The following PAAF1 variants were observed in gnomAD, a reference collection of about 807,000 sequenced individuals.
PAAF1 encodes the protein proteasomal ATPase associated factor 1, also known as proteasomal ATPase-associated factor 1.
Under a neutral mutation model 52.8 loss-of-function variants are expected in PAAF1, and 46 were observed. The observed-to-expected ratio is 0.87, with a 90% confidence interval of 0.69 to 1.11. The LOEUF (loss-of-function observed/expected upper bound fraction) is 1.11. PAAF1 is among the 50% of genes most tolerant of loss of function. PAAF1 has a pLI of 0.00. For synonymous variants in PAAF1, 178 were observed against 172.8 expected (o/e 1.03, Z -0.24); for missense variants, 424 against 477.4 (o/e 0.89, Z 1.04).
At chr11:73,918,922 T>TCTTC in intron 9 of PAAF1, 28 bp from the exon 10 acceptor site, 1 of 1,581,668 alleles carries the variant, frequency 6.3e-7, no homozygotes, top group Non-Finnish European at 8.7e-7. Flanking sequence ...AGAAAGAAAG[T>TCTTC]AAAATTTCCC....
intron 3 of PAAF1, among the ~76,000 whole-genome samples, chr11:73,890,860 G>C (rs777510591): frequency 7.2e-5 from 11 of 152,234 alleles, no homozygotes; most frequent in Non-Finnish European, 1.6e-4. Context: ...GTCTTCTGTG[G>C]AGCAGCTTAT....
At chr11:73,876,815 C>A, upstream of PAAF1, 1 of 448,502 alleles carries the variant, frequency 2.2e-6, no homozygotes, top group Non-Finnish European at 3.8e-6. Flanking sequence ...TTGGGTTTCG[C>A]AGGCGGTTGG....
intron 1 of PAAF1, 93 bp from the exon 2 acceptor site, chr11:73,878,686 C>A: frequency 9.0e-7 from 1 of 1,107,118 alleles, no homozygotes; most frequent in Non-Finnish European, 1.4e-6. Context: ...TATGACCAAG[C>A]TGGAGGTTAC....
At chr11:73,879,813 C>T (rs1948843295) in intron 2 of PAAF1, 1 of 151,556 alleles carries the variant, frequency 6.6e-6, no homozygotes, top group Non-Finnish European at 1.5e-5. Flanking sequence ...GTTGAGGCTG[C>T]AGTGAGTTAT....
rs1382088284 is a variant in PAAF1, at chr11:73,927,450, A to G, written c.*88A>G. ...ACATCATCAGTCCTTCCCAAGGACC[A>G]TGGCGTTTAATGTCTTGGGCACCCC... On this transcript the variant is annotated 3_prime_UTR_variant, in exon 12 of 12. Transcript: ENST00000310571. 3.7e-6 allele frequency: 4 copies of G among 1,083,892 alleles called. No individual in the cohort carries two copies. Among genetic ancestry groups the G allele is most frequent in the Non-Finnish European group, 5.6e-6 (4 of 717,070 alleles). 67.1% of individuals were successfully genotyped at this position (1,083,892 alleles called of 1,614,324 possible). A position where few individuals can be genotyped will look rare whatever the true frequency, so the allele number is the denominator to read the frequency against.
At chr11:73,908,181 A>G (rs1370730691) in intron 6 of PAAF1, among the ~76,000 whole-genome samples, 1 of 151,520 alleles carries the variant, frequency 6.6e-6, no homozygotes, top group Non-Finnish European at 1.5e-5. Context: ...CTTTTAATCA[A>G]TTATCAGTGA....
At chr11:73,876,839 ATCC>A, upstream of PAAF1, 1 of 590,248 alleles carries the variant, frequency 1.7e-6, no homozygotes, top group Non-Finnish European at 2.7e-6. Context: ...TCCTCTGTAC[ATCC>A]TTTCAGGAAC....
chr11:73,879,068 T>C (rs939683885), intron 2 of PAAF1: 1 of 288,388 alleles, frequency 3.5e-6, no homozygotes, highest in Non-Finnish European at 6.5e-6. Flanking sequence ...ATTAGTCACT[T>C]ACCCTGTGCT....
intron 2 of PAAF1, chr11:73,879,748 A>T (rs1948841258): frequency 6.6e-6 from 1 of 151,500 alleles, no homozygotes; most frequent in African/African-American, 2.4e-5. Flanking sequence ...TGGCATGCGC[A>T]TGTAGTCCCA....
intron 2 of PAAF1, among the ~76,000 whole-genome samples, chr11:73,885,138 C>G (rs1949025772): frequency 6.9e-6 from 1 of 145,384 alleles, no homozygotes; most frequent in African/African-American, 2.6e-5. Flanking sequence ...GGATTACAGG[C>G]GTGATATTCT....
In PAAF1 at chr11:73,877,054, G is replaced by A; in HGVS notation, c.33G>A (p.Trp11Ter). MAAPLRIQSDWAQALRKDEGE... is the reference protein window; with the variant it reads MAAPLRIQSD Reference sequence around the variant, plus strand: ...CGCCTTTGAGGATTCAGAGCGACTGGGCGCAAGCCCTCAGGTGAATCCAGG... The same window carrying A: ...CGCCTTTGAGGATTCAGAGCGACTGAGCGCAAGCCCTCAGGTGAATCCAGG... The change falls in exon 1 of 12, where the codon TGG becomes TGA. Residue 11 changes from tryptophan to a stop codon, truncating the protein, a stop_gained. Transcript: ENST00000310571. LOFTEE classifies it high-confidence loss of function. 2.6e-6 allele frequency: 4 copies of A among 1,538,960 alleles called. No individual in the cohort carries two copies. Among genetic ancestry groups the A allele is most frequent in the Non-Finnish European group, 3.5e-6 (4 of 1,140,442 alleles).
intron 4 of PAAF1, among the ~76,000 whole-genome samples, chr11:73,896,934 C>T (rs1259423763): frequency 6.7e-6 from 1 of 148,996 alleles, no homozygotes; most frequent in Non-Finnish European, 1.5e-5. Flanking sequence ...GGGGCTGACC[C>T]CCCAGACCTC....
chr11:73,925,359 G>A (rs1415249418), intron 11 of PAAF1, among the ~76,000 whole-genome samples: 1 of 151,766 alleles, frequency 6.6e-6, no homozygotes, highest in Non-Finnish European at 1.5e-5. Flanking sequence ...CTACTCATTT[G>A]GGAGGCCAAG....
chr11:73,877,055 G>T lies in PAAF1; in HGVS notation c.34G>T (p.Ala12Ser). The T allele has an allele frequency of 6.5e-7, 1 of 1,539,118 alleles. No homozygotes were observed. Among genetic ancestry groups the T allele is most frequent in the Non-Finnish European group, 8.8e-7 (1 of 1,140,514 alleles). Residue 12 changes from alanine (A) to serine (S), a missense_variant, in exon 1 of 12, where the codon GCG becomes TCG. Ala to Ser is a moderately conservative substitution (Grantham distance 99). Transcript: ENST00000310571. ...AAPLRIQSDW[A>S]QALRKDEGEA... ...GCCTTTGAGGATTCAGAGCGACTGG[G>T]CGCAAGCCCTCAGGTGAATCCAGGC...
intron 1 of PAAF1, chr11:73,877,370 CAA>C (rs1948771609): frequency 3.8e-6 from 1 of 265,846 alleles, no homozygotes. Flanking sequence ...AGTCATTTAG[CAA>C]ATATTGATTA....
At chr11:73,885,510 C>G (rs981161851) in intron 2 of PAAF1, among the ~76,000 whole-genome samples, 3 of 151,878 alleles carry the variant, frequency 2.0e-5, no homozygotes, top group African/African-American at 7.3e-5. Context: ...TCTTCCTAGC[C>G]AGCTCCTATC....
chr11:73,883,345 A>G (rs1410986604), intron 2 of PAAF1, among the ~76,000 whole-genome samples: 2 of 152,094 alleles, frequency 1.3e-5, no homozygotes, highest in African/African-American at 4.8e-5. Flanking sequence ...TATTTCTAGT[A>G]TCACCCCCAA....
At chr11:73,921,490 C>A (rs1331991911) in intron 10 of PAAF1, among the ~76,000 whole-genome samples, 4 of 151,962 alleles carry the variant, frequency 2.6e-5, no homozygotes, top group Non-Finnish European at 4.4e-5. Flanking sequence ...CTGTTGATAA[C>A]CCACTTTCTT....
intron 2 of PAAF1, 54 bp downstream of exon 2, chr11:73,878,873 C>A: frequency 6.5e-7 from 1 of 1,535,630 alleles, no homozygotes; most frequent in Non-Finnish European, 8.9e-7. Context: ...GATTAATACC[C>A]TTAAAAGAAA....
Sources: gnomAD v4.1 joint callset for allele counts (sites outside exome capture counted in the v4.1 genomes callset) on GRCh38, gnomAD v4.1.1 for gene constraint, MANE v1.5 for transcripts, NCBI Gene and HGNC (gene_info 2026-07-23, HGNC 2026-07-21) for gene names.